Variants in GNPTAB observed in about 807,000 individuals in gnomAD.
GNPTAB encodes the protein N-acetylglucosamine-1-phosphate transferase subunits alpha and beta.
GNPTAB carries 92 observed loss-of-function variants against 136.6 expected under a neutral mutation model. That is an observed-to-expected ratio of 0.67 (90% CI 0.57 to 0.80). The LOEUF is 0.80. Ranked by LOEUF, GNPTAB falls within the 30% of genes least tolerant of loss-of-function variation. GNPTAB has a pLI of 0.00. For missense variants in GNPTAB, 1,343 were observed against 1,501.8 expected, an observed-to-expected ratio of 0.89 and a Z score of 1.75; for synonymous variants, 512 against 535.1, an observed-to-expected ratio of 0.96 and a Z score of 0.60.
intron 2 of GNPTAB, among the ~76,000 whole-genome samples, chr12:101,790,961 C>T (rs1323386517): frequency 6.6e-6 from 1 of 151,896 alleles, no homozygotes; most frequent in African/African-American, 2.4e-5. Flanking sequence ...TTATGTGTGG[C>T]CCTCTCCTAG....
chr12:101,805,551 C>T (rs4764821), intron 1 of GNPTAB, among the ~76,000 whole-genome samples: 15,016 of 152,158 alleles, frequency 0.099, 892 homozygotes, highest in Middle Eastern at 0.2. Context: ...CACATCACTA[C>T]GTCTGGCTAA....
intron 5 of GNPTAB, among the ~76,000 whole-genome samples, chr12:101,781,441 G>A (rs1489365070): frequency 6.6e-6 from 1 of 152,170 alleles, no homozygotes; most frequent in African/African-American, 2.4e-5. Context: ...TGAGGCAGGA[G>A]TATCACTTGA....
intron 19 of GNPTAB, among the ~76,000 whole-genome samples, chr12:101,752,734 A>G (rs1274131583): frequency 6.6e-6 from 1 of 152,210 alleles, no homozygotes; most frequent in African/African-American, 2.4e-5. Flanking sequence ...CTATCAGCTC[A>G]GCACATACCG....
chr12:101,757,175 A>G (rs1049206131), intron 18 of GNPTAB, 37 bp downstream of exon 18: 4 of 1,097,872 alleles, frequency 3.6e-6, no homozygotes, highest in African/African-American at 1.6e-5. Flanking sequence ...ATTCAGGTTT[A>G]TTTGCATAAT....
At chr12:101,821,741 A>C (rs1870814772) in intron 1 of GNPTAB, among the ~76,000 whole-genome samples, 3 of 152,162 alleles carry the variant, frequency 2.0e-5, no homozygotes, top group Admixed American at 2.0e-4. Context: ...AGAACTCACT[A>C]TGGGTCCATG....
At chr12:101,789,901 A>G in intron 3 of GNPTAB, 37 bp downstream of exon 3, 1 of 1,602,120 alleles carries the variant, frequency 6.2e-7, no homozygotes, top group South Asian at 1.1e-5. Flanking sequence ...ACATCGCCAC[A>G]TTACCCATCT....
chr12:101,824,213 A>G (rs1363424252), intron 1 of GNPTAB, among the ~76,000 whole-genome samples: 1 of 151,838 alleles, frequency 6.6e-6, no homozygotes, highest in Non-Finnish European at 1.5e-5. Flanking sequence ...AAGAAAAGCT[A>G]TCTTTCTGCT....
rs200784803 is a variant in GNPTAB at position 101,770,428 on chromosome 12, C to T, written c.1091G>A (p.Arg364Gln). ...TACCTGGTGTGTTACTATTGTCACT[C>T]GAGGATTGTCAAGGTTCAGCCAGGA... is the stretch of plus-strand genomic sequence containing the variant. The part of the protein sequence containing the change: ...IPSWLNLDNP[R>Q]VTIVTHQDVF... Residue 364 changes from arginine (R) to glutamine (Q), a missense_variant, in exon 9 of 21, where the codon CGA (arginine) becomes CAA (glutamine). Coordinates refer to ENST00000299314, the MANE Select transcript of GNPTAB (RefSeq NM_024312.5). The T allele has an allele frequency of 4.6e-5, 74 of 1,613,436 alleles. No homozygotes were observed. The East Asian group carries it at 1.4e-3, about 32-fold the overall frequency.
intron 2 of GNPTAB, among the ~76,000 whole-genome samples, chr12:101,795,525 G>A (rs1387989810): frequency 6.6e-6 from 1 of 152,114 alleles, no homozygotes; most frequent in African/African-American, 2.4e-5. Context: ...GGCCGAGGCG[G>A]GTGGATCACC....
chr12:101,770,518 C>T lies in GNPTAB; in HGVS notation c.1001G>A (p.Arg334Gln), dbSNP rs281864970. Residue 334 changes from arginine to glutamine, a missense_variant, in exon 9 of 21, where the codon CGA becomes CAA. By Grantham distance (43) the Arg-to-Gln change is conservative. Coordinates refer to ENST00000299314, the MANE Select transcript of GNPTAB (RefSeq NM_024312.5). ...CCATGGTGCATGCCTCTCGATAGAT[C>T]GCAATGAGTACCTCAGTTCTTCGTT... ...EDNEELRYSLRSIERHAPWVR... is the reference protein window; with the variant it reads ...EDNEELRYSLQSIERHAPWVR... 3.7e-6 allele frequency: 6 copies of T among 1,612,820 alleles called. No individual in the cohort carries two copies. Among genetic ancestry groups the T allele is most frequent in the Admixed American group, 1.7e-5 (1 of 59,994 alleles).
At chr12:101,770,624 C>G in intron 8 of GNPTAB, 39 bp from the exon 9 acceptor site, 2 of 1,413,640 alleles carry the variant, frequency 1.4e-6, no homozygotes, top group Non-Finnish European at 2.0e-6. Context: ...GTGAAATACC[C>G]CTTAAGTCAT....
intron 1 of GNPTAB, among the ~76,000 whole-genome samples, chr12:101,820,887 T>C (rs1456602411): frequency 6.6e-6 from 1 of 151,746 alleles, no homozygotes; most frequent in East Asian, 1.9e-4. Context: ...TGAAACCCCA[T>C]CTCTATTAAA....
At chr12:101,801,103 C>T (rs1350766314) in intron 1 of GNPTAB, among the ~76,000 whole-genome samples, 3 of 151,266 alleles carry the variant, frequency 2.0e-5, no homozygotes, top group African/African-American at 7.3e-5. Context: ...CATGGTGGCA[C>T]ACACCTGTAG....
chr12:101,750,437 C>A (rs1952799715), intron 19 of GNPTAB, among the ~76,000 whole-genome samples: 1 of 152,184 alleles, frequency 6.6e-6, no homozygotes, highest in South Asian at 2.1e-4. Flanking sequence ...AGAGACAATG[C>A]AGAACTAAGC....
chr12:101,752,001 A>C (rs1453460912), intron 19 of GNPTAB, among the ~76,000 whole-genome samples: 1 of 143,536 alleles, frequency 7.0e-6, no homozygotes, highest in Non-Finnish European at 1.5e-5. Flanking sequence ...TTAGTCAAGT[A>C]CCATGTTACA....
Position 101,796,717 on chromosome 12 carries a change from A to G in GNPTAB, c.163T>C (p.Ser55Pro). Reference protein sequence around the residue: ...SRDQYHVLFDSYRDNIAGKSF... With the variant: ...SRDQYHVLFDPYRDNIAGKSF... ...TTTCCAGCAATATTGTCTCTATAGG[A>G]ATCAAACAAAACATGGTATTGATCT... The change falls in exon 2 of 21, where the codon TCC becomes CCC. Residue 55 changes from serine (S) to proline (P), a missense_variant. Transcript: ENST00000299314. 1.2e-6 allele frequency: 2 copies of G among 1,613,074 alleles called. No individual in the cohort carries two copies. Among genetic ancestry groups the G allele is most frequent in the Non-Finnish European group, 1.7e-6 (2 of 1,179,224 alleles).
At chr12:101,785,443 C>T (rs1485660172) in intron 5 of GNPTAB, 1 of 152,644 alleles carries the variant, frequency 6.6e-6, no homozygotes. Context: ...TGGTCTTGAA[C>T]TCCTTAGGCT....
intron 1 of GNPTAB, among the ~76,000 whole-genome samples, chr12:101,827,593 G>T (rs2137194230): frequency 6.6e-6 from 1 of 152,248 alleles, no homozygotes; most frequent in South Asian, 2.1e-4. Context: ...GATGAATATA[G>T]AAAAGGCTTA....
At chr12:101,826,950 G>GTTTTTTTTTT (rs902178707) in intron 1 of GNPTAB, among the ~76,000 whole-genome samples, 1 of 62,350 alleles carries the variant, frequency 1.6e-5, no homozygotes, top group Non-Finnish European at 3.0e-5. Flanking sequence ...TGTGGGAGTT[G>GTTTTTTTTTT]TTTTTTTTTT....
Sources: allele counts gnomAD v4.1 joint callset (sites outside exome capture counted in the v4.1 genomes callset), GRCh38; gene constraint gnomAD v4.1.1; transcripts MANE v1.5; gene names NCBI Gene and HGNC (gene_info 2026-07-23, HGNC 2026-07-21).